CSMD1: variants seen among roughly 807,000 people sequenced by gnomAD.
CSMD1 encodes the protein CUB and sushi domain-containing protein 1.
Under a neutral mutation model 417.5 loss-of-function variants are expected in CSMD1, and 213 were observed. The ratio of observed to expected loss-of-function variants is 0.51; its 90% CI spans 0.46 to 0.57. The LOEUF (loss-of-function observed/expected upper bound fraction) is 0.57, where lower values mean the gene tolerates loss of function less well. CSMD1 is among the 20% of genes least tolerant of loss of function. The pLI is 0.00. For synonymous variants in CSMD1, 2,862 were observed against 1,736.8 expected, an observed-to-expected ratio of 1.65 and a Z score of -16.11; for missense variants, 6,923 against 4,529.7, an observed-to-expected ratio of 1.53 and a Z score of -15.17.
chr8:3,385,398 T>C (rs968505781), intron 18 of CSMD1, among the ~76,000 whole-genome samples: 1 of 151,574 alleles, frequency 6.6e-6, no homozygotes, highest in East Asian at 1.9e-4. Context: ...TTATATCCTA[T>C]GCGGAAATCT....
intron 5 of CSMD1, among the ~76,000 whole-genome samples, chr8:3,894,574 C>G (rs1455414460): frequency 6.6e-6 from 1 of 152,080 alleles, no homozygotes; most frequent in Non-Finnish European, 1.5e-5. Context: ...TTTCTACATC[C>G]TATTGATTTG....
intron 5 of CSMD1, among the ~76,000 whole-genome samples, chr8:3,876,068 A>G (rs1242447492): frequency 2.0e-5 from 3 of 152,168 alleles, no homozygotes; most frequent in African/African-American, 4.8e-5. Context: ...CTATTTTGAA[A>G]TATACTTGTT....
chr8:3,001,078 C>G (rs1461370092), intron 52 of CSMD1, among the ~76,000 whole-genome samples: 7 of 151,898 alleles, frequency 4.6e-5, no homozygotes, highest in Admixed American at 4.6e-4. Flanking sequence ...CCCTTGGGCT[C>G]AAGTCATCTT....
chr8:3,271,777 G>A (rs1020972384), intron 26 of CSMD1, among the ~76,000 whole-genome samples: 1 of 151,912 alleles, frequency 6.6e-6, no homozygotes, highest in African/African-American at 2.4e-5. Flanking sequence ...TGATGGGGTT[G>A]TTTGTTTTTT....
At chr8:4,922,479 T>C (rs901901971) in intron 1 of CSMD1, among the ~76,000 whole-genome samples, 5 of 152,242 alleles carry the variant, frequency 3.3e-5, no homozygotes, top group African/African-American at 1.2e-4. Context: ...ATCACTTTTA[T>C]GTATTCTTCC....
chr8:4,417,618 A>G (rs997937466), intron 3 of CSMD1, among the ~76,000 whole-genome samples: 1 of 152,022 alleles, frequency 6.6e-6, no homozygotes, highest in Non-Finnish European at 1.5e-5. Flanking sequence ...TTATTCTATT[A>G]TTTGACTCAT....
At chr8:4,966,909 G>A (rs1391271674) in intron 1 of CSMD1, among the ~76,000 whole-genome samples, 1 of 152,124 alleles carries the variant, frequency 6.6e-6, no homozygotes. Flanking sequence ...CAACTAAAGT[G>A]ACTGAAGCAT....
At chr8:3,604,054 A>G (rs1801488057) in intron 8 of CSMD1, among the ~76,000 whole-genome samples, 2 of 152,248 alleles carry the variant, frequency 1.3e-5, no homozygotes, top group African/African-American at 4.8e-5. Context: ...ATATAAAAGT[A>G]AAATTAAATA....
chr8:3,749,393 T>C (rs1308420893), intron 6 of CSMD1, among the ~76,000 whole-genome samples: 3 of 152,200 alleles, frequency 2.0e-5, no homozygotes, highest in East Asian at 3.9e-4. Flanking sequence ...GTAGCAACTG[T>C]AGAACAGTTT....
chr8:4,937,236 A>AT (rs1263850623), intron 1 of CSMD1, among the ~76,000 whole-genome samples: 2 of 152,074 alleles, frequency 1.3e-5, no homozygotes, highest in Non-Finnish European at 2.9e-5. Context: ...AAATAAAATT[A>AT]TTTTTTATAA....
chr8:4,931,835 CA>C (rs1177783766), intron 1 of CSMD1, among the ~76,000 whole-genome samples: 1 of 152,078 alleles, frequency 6.6e-6, no homozygotes, highest in Non-Finnish European at 1.5e-5. Flanking sequence ...TTTTAAAATG[CA>C]GTATATTTTT....
chr8:3,019,610 G>A (rs937821296), intron 51 of CSMD1, among the ~76,000 whole-genome samples: 1 of 152,170 alleles, frequency 6.6e-6, no homozygotes, highest in Admixed American at 6.5e-5. Flanking sequence ...ACTAAAACGT[G>A]CATACAAACT....
At chr8:4,605,684 C>T (rs552926980) in intron 2 of CSMD1, among the ~76,000 whole-genome samples, 519 of 152,306 alleles carry the variant, frequency 3.4e-3, no homozygotes, top group Middle Eastern at 6.8e-3. Flanking sequence ...ACTTATACTT[C>T]TGTCCCTTGT....
intron 1 of CSMD1, among the ~76,000 whole-genome samples, chr8:4,716,131 C>T (rs115761141): frequency 1.3e-5 from 2 of 152,116 alleles, no homozygotes; most frequent in African/African-American, 4.8e-5. Flanking sequence ...TGTGAGATGA[C>T]CTGCCTGGTG....
chr8:4,038,095 G>GA (rs1161843969), intron 3 of CSMD1, among the ~76,000 whole-genome samples: 1 of 151,906 alleles, frequency 6.6e-6, no homozygotes, highest in African/African-American at 2.4e-5. Context: ...CAGCAAATGG[G>GA]AAAAAATGAT....
chr8:3,157,890 T>C lies in CSMD1; in HGVS notation c.5914+7A>G, dbSNP rs1384996856. 6.4e-7 allele frequency: 1 copy of C among 1,551,890 alleles called. No homozygotes were observed. Among genetic ancestry groups the C allele is most frequent in the South Asian group, 1.2e-5 (1 of 84,056 alleles). On this transcript the variant is annotated splice_region_variant and intron_variant, in intron 39 of 69. Transcript: ENST00000635120. Reference sequence around the variant, plus strand: ...CAGCAGCAGAGTTACAGAAGGTGCATCCTTACCAATGCACAGGGGAGACGG... The same window carrying C: ...CAGCAGCAGAGTTACAGAAGGTGCACCCTTACCAATGCACAGGGGAGACGG...
At chr8:4,066,645 G>A (rs1415685496) in intron 3 of CSMD1, among the ~76,000 whole-genome samples, 1 of 152,164 alleles carries the variant, frequency 6.6e-6, no homozygotes, top group African/African-American at 2.4e-5. Context: ...GCTCTTTGTG[G>A]ATGTTTTTGC....
intron 49 of CSMD1, among the ~76,000 whole-genome samples, chr8:3,084,997 G>A (rs1002874894): frequency 1.3e-5 from 2 of 151,966 alleles, no homozygotes; most frequent in African/African-American, 4.8e-5. Context: ...TCTAAAAGGT[G>A]ACTAAAAGAA....
chr8:3,957,578 G>A (rs1812041852), intron 5 of CSMD1, among the ~76,000 whole-genome samples: 1 of 152,130 alleles, frequency 6.6e-6, no homozygotes, highest in African/African-American at 2.4e-5. Flanking sequence ...CAGCTACTCA[G>A]AAGGCTGAGG....
Sources: gnomAD v4.1 joint callset for allele counts (sites outside exome capture counted in the v4.1 genomes callset) on GRCh38, gnomAD v4.1.1 for gene constraint, MANE v1.5 for transcripts, NCBI Gene and HGNC (gene_info 2026-07-23, HGNC 2026-07-21) for gene names.